Variants in EIF3A observed in about 807,000 individuals in gnomAD.
EIF3A encodes the protein EIF3, p180 subunit.
A neutral mutation model predicts 186.6 loss-of-function variants in EIF3A; 21 were observed. The ratio of observed to expected loss-of-function variants is 0.11; its 90% CI spans 0.08 to 0.16. The LOEUF is 0.16. EIF3A is among the 10% of genes least tolerant of loss of function. The pLI is 1.00. For missense variants in EIF3A, 1,306 were observed against 1,796.3 expected (o/e 0.73, Z 4.93); for synonymous variants, 563 against 584.3 (o/e 0.96, Z 0.52).
Position 119,044,294 on chromosome 10 carries a change from A to C in EIF3A, c.2659-152T>G. ...AATTTCATTTATTTTTTAATCTGAG[A>C]TCAGACTGACGCTACAGGGAAACTG... is the stretch of plus-strand genomic sequence containing the variant. On this transcript the variant is annotated intron_variant, in intron 17 of 21. Transcript: ENST00000369144. 4 of 624,194 alleles carry C rather than the reference A, an allele frequency of 6.4e-6. No homozygotes were observed. The Admixed American group carries it at 1.2e-4, about 18-fold the overall frequency. The allele number at this position is 624,194 out of a possible 1,614,324, so 38.7% of individuals were successfully genotyped here. A position where few individuals can be genotyped will look rare whatever the true frequency, so the allele number is the denominator to read the frequency against.
chr10:119,044,932 ATT>A (rs1000321010), intron 17 of EIF3A, among the ~76,000 whole-genome samples: 3 of 93,558 alleles, frequency 3.2e-5, no homozygotes, highest in Non-Finnish European at 4.3e-5. Context: ...CTTTATTTGA[ATT>A]TTCTTTTCTT....
chr10:119,080,297 G>C, intron 1 of EIF3A: 1 of 985,050 alleles, frequency 1.0e-6, no homozygotes, highest in Non-Finnish European at 1.2e-6. Context: ...CAGGGACCTG[G>C]AGAGCCAGAG....
chr10:119,080,171 CAGG>C (rs1210994299), intron 1 of EIF3A, among the ~76,000 whole-genome samples: 1 of 152,164 alleles, frequency 6.6e-6, no homozygotes, highest in Admixed American at 6.5e-5. Flanking sequence ...CCGGCCCGGG[CAGG>C]AGGTGGAGCC....
chr10:119,071,867 T>C (rs1049959030), intron 4 of EIF3A, among the ~76,000 whole-genome samples: 2 of 150,340 alleles, frequency 1.3e-5, no homozygotes, highest in African/African-American at 2.4e-5. Flanking sequence ...CTACTAAAAA[T>C]ACAAAAAATT....
intron 18 of EIF3A, 38 bp downstream of exon 18, chr10:119,044,016 G>A: frequency 7.1e-7 from 1 of 1,412,260 alleles, no homozygotes; most frequent in Non-Finnish European, 1.0e-6. Context: ...GATATTAACA[G>A]GAACTGGAGC....
At chr10:119,053,220 G>A (rs1318334912) in intron 14 of EIF3A, among the ~76,000 whole-genome samples, 1 of 152,158 alleles carries the variant, frequency 6.6e-6, no homozygotes, top group African/African-American at 2.4e-5. Flanking sequence ...CACAGAAAGG[G>A]TAGATGCAGC....
intron 11 of EIF3A, among the ~76,000 whole-genome samples, chr10:119,058,806 C>T (rs1843832885): frequency 6.6e-6 from 1 of 152,150 alleles, no homozygotes; most frequent in Non-Finnish European, 1.5e-5. Flanking sequence ...TTGCTTGAAC[C>T]CAGGAGGTAG....
intron 6 of EIF3A, among the ~76,000 whole-genome samples, chr10:119,066,761 T>G (rs1263513494): frequency 6.6e-6 from 1 of 152,052 alleles, no homozygotes; most frequent in Admixed American, 6.6e-5. Flanking sequence ...TCCAAGACTG[T>G]GACCGTAGGC....
rs991604555 is a variant in EIF3A at position 119,034,976 on chromosome 10, A to G, written c.*1063T>C. 6.6e-6 allele frequency: 1 copy of G among 152,630 alleles called. No homozygotes were observed. Among genetic ancestry groups the G allele is most frequent in the Non-Finnish European group, 1.5e-5 (1 of 68,052 alleles). The allele number at this position is 152,630 out of a possible 1,614,324, so 9.5% of individuals were successfully genotyped here. ...ACTGATAAAAATTCAAGTAAAAAAA[A>G]CTCAACTGAATATGCAAACTTACCA... On this transcript the variant is annotated 3_prime_UTR_variant, in exon 22 of 22. Coordinates refer to ENST00000369144, the MANE Select transcript of EIF3A (RefSeq NM_003750.4).
chr10:119,078,082 GTTTGCTAGTTTA>G (rs1844205384), intron 1 of EIF3A, among the ~76,000 whole-genome samples: 1 of 152,080 alleles, frequency 6.6e-6, no homozygotes, highest in African/African-American at 2.4e-5. Context: ...AGCCCTTGAT[GTTTGCTAGTTTA>G]TTTGTGCAAC....
intron 17 of EIF3A, 95 bp from the exon 18 acceptor site, chr10:119,044,237 C>A: frequency 1.2e-6 from 1 of 800,448 alleles, no homozygotes; most frequent in Non-Finnish European, 2.1e-6. Context: ...GTACTTATAA[C>A]AATATGAAGC....
In EIF3A at chr10:119,071,147, G is replaced by C. The variant is rs1844064069; in HGVS notation, c.542-62C>G. ...CACTATCTACTTAAATATTTGAATAGGTTTTATTTCACACATTAAGATCAG... is the reference window on the plus strand; with the variant it reads ...CACTATCTACTTAAATATTTGAATACGTTTTATTTCACACATTAAGATCAG... On this transcript the variant is annotated intron_variant, in intron 4 of 21. Coordinates refer to ENST00000369144, the MANE Select transcript of EIF3A (RefSeq NM_003750.4). The C allele has an allele frequency of 9.2e-5, 110 of 1,199,318 alleles. 1 individual carries two copies. In the South Asian group the frequency reaches 1.4e-3, roughly 15 times the overall value. 74.3% of individuals were successfully genotyped at this position (1,199,318 alleles called of 1,614,324 possible).
At position 119,037,214 on chromosome 10, in the gene EIF3A, C is replaced by T. The variant is rs751921377; in HGVS notation, c.3824G>A (p.Arg1275His). ...RDDRDRDDRR[R>H]ERDDRRDLRE... ...TAGATCACGCCGGTCATCCCTCTCA[C>T]GGCGACGGTCATCCCTATCCCTATC... Residue 1275 changes from arginine (R) to histidine (H), a missense_variant, in exon 21 of 22, where the codon CGT becomes CAT. Physicochemically the swap from Arg to His is conservative, Grantham distance 29 (BLOSUM62 0). Transcript: ENST00000369144. 7 of 1,613,976 alleles carry T rather than the reference C, an allele frequency of 4.3e-6. No homozygotes were observed. The highest frequency in any genetic ancestry group is 4.5e-5 in the East Asian group (2 of 44,880).
chr10:119,079,090 TAC>T (rs778880649), intron 1 of EIF3A, among the ~76,000 whole-genome samples: 6 of 152,236 alleles, frequency 3.9e-5, no homozygotes, highest in Non-Finnish European at 1.5e-5. Flanking sequence ...TAAACTTTGC[TAC>T]AGTTTGGTTT....
rs572932425 is a variant in EIF3A at position 119,080,777 on chromosome 10, G to T, written c.-101C>A. The stretch of plus-strand genomic sequence containing the variant: ...ACCAGCGTAAGGTCCCACGCGCCTC[G>T]CCAGCAGTCGCCCGCGCCCAGCCGG... On this transcript the variant is annotated 5_prime_UTR_variant, in exon 1 of 22. Coordinates refer to ENST00000369144, the MANE Select transcript of EIF3A (RefSeq NM_003750.4). The T allele has an allele frequency of 4.6e-4, 665 of 1,457,930 alleles. No individual in the cohort carries two copies. Among genetic ancestry groups the T allele is most frequent in the Non-Finnish European group, 2.3e-4 (257 of 1,101,226 alleles). The allele number at this position is 1,457,930 out of a possible 1,614,324, so 90.3% of individuals were successfully genotyped here.
Position 119,060,722 on chromosome 10 carries a change from CTTTTTTTA to C in EIF3A, c.1326+16_1326+23del, listed in dbSNP as rs762645683. 6 of 1,568,406 alleles carry C rather than the reference CTTTTTTTA, an allele frequency of 3.8e-6. No homozygotes were observed. Among genetic ancestry groups the C allele is most frequent in the African/African-American group, 2.8e-5 (2 of 72,522 alleles). On this transcript the variant is annotated intron_variant, in intron 9 of 21. Coordinates refer to ENST00000369144, the MANE Select transcript of EIF3A (RefSeq NM_003750.4). The stretch of plus-strand genomic sequence containing the variant: ...ATGATGAGCACATAACATCACAAAA[CTTTTTTTA>C]TTTTTTTATTTTTACCTGCTGCAGA...
chr10:119,079,505 GA>G (rs1844228811), intron 1 of EIF3A, among the ~76,000 whole-genome samples: 2 of 151,860 alleles, frequency 1.3e-5, no homozygotes, highest in Admixed American at 6.6e-5. Context: ...GGTAAAACCC[GA>G]AACTTCTATT....
Position 119,064,411 on chromosome 10 carries a change from T to TGG in EIF3A, c.1122+987_1122+988insCC, listed in dbSNP as rs1247929115. ...TGTTGGAGTGTGGCCTGGTGGGAGG[T>TGG]GACTAAATCATGGGGGCAATTTCTA... On this transcript the variant is annotated intron_variant, in intron 7 of 21. Transcript: ENST00000369144. Among the ~76,000 whole-genome samples, 5 of 151,888 alleles carry TGG rather than the reference T, an allele frequency of 3.3e-5. No homozygotes were observed. In the East Asian group the frequency reaches 9.7e-4, roughly 29 times the overall value.
At position 119,075,879 on chromosome 10, in the gene EIF3A, ATTT is replaced by A. The variant is rs58100835; in HGVS notation, c.50-1945_50-1943del. 3.6e-3 allele frequency among the ~76,000 whole-genome samples: 337 copies of A among 94,054 alleles called. 6 individuals are homozygous for A. The East Asian group carries it at 0.082, about 23-fold the overall frequency. 61.7% of individuals were successfully genotyped at this position (94,054 alleles called of 152,430 possible). A position where few individuals can be genotyped will look rare whatever the true frequency, so the allele number is the denominator to read the frequency against. ...CGGAGCTCGCCACCACGCCTGGCTA[ATTT>A]TTTTTTTTTTTTTTTTTGTATTTTT... On this transcript the variant is annotated intron_variant, in intron 1 of 21. Transcript: ENST00000369144.
Sources: allele counts gnomAD v4.1 joint callset (sites outside exome capture counted in the v4.1 genomes callset), GRCh38; gene constraint gnomAD v4.1.1; transcripts MANE v1.5; gene names NCBI Gene and HGNC (gene_info 2026-07-23, HGNC 2026-07-21).